The following TMEM74 variants were observed in gnomAD, a reference collection of about 807,000 sequenced individuals.
TMEM74 encodes transmembrane protein 74.
Under a neutral mutation model 18.1 loss-of-function variants are expected in TMEM74, and 13 were observed. The ratio of observed to expected loss-of-function variants is 0.72; its 90% CI spans 0.47 to 1.14. TMEM74 has a LOEUF of 1.14. Ranked by LOEUF, TMEM74 falls within the 50% of genes most tolerant of loss-of-function variation. TMEM74 has a pLI of 0.00. For missense variants in TMEM74, 372 were observed against 375.9 expected, an observed-to-expected ratio of 0.99 and a Z score of 0.09; for synonymous variants, 159 against 146.6, an observed-to-expected ratio of 1.08 and a Z score of -0.61.
chr8:108,611,241 A>T (rs1346262187), intron 2 of TMEM74, among the ~76,000 whole-genome samples: 1 of 152,186 alleles, frequency 6.6e-6, no homozygotes, highest in African/African-American at 2.4e-5. Context: ...GTATATCTGC[A>T]GTAGGTGAAA....
intron 1 of TMEM74, among the ~76,000 whole-genome samples, chr8:108,704,707 G>A (rs1290451044): frequency 6.6e-6 from 1 of 152,200 alleles, no homozygotes; most frequent in Non-Finnish European, 1.5e-5. Context: ...ATGATCAGAG[G>A]CAGCAGCATG....
At chr8:108,647,565 A>G (rs1812732480) in intron 2 of TMEM74, among the ~76,000 whole-genome samples, 1 of 152,280 alleles carries the variant, frequency 6.6e-6, no homozygotes, top group Non-Finnish European at 1.5e-5. Context: ...TAAGTAAAGA[A>G]ATCTATTTTT....
intron 2 of TMEM74, among the ~76,000 whole-genome samples, chr8:108,615,819 C>CTGTTTTTTT (rs1812376886): frequency 2.6e-5 from 2 of 76,420 alleles, no homozygotes; most frequent in African/African-American, 5.4e-5. Context: ...TGCATGGGAG[C>CTGTTTTTTT]TTTTTTTTTT....
intron 2 of TMEM74, among the ~76,000 whole-genome samples, chr8:108,631,693 T>G (rs1350829247): frequency 2.0e-5 from 3 of 152,048 alleles, no homozygotes; most frequent in African/African-American, 7.2e-5. Flanking sequence ...GAATAGTTTC[T>G]TTTGCTGTAC....
At chr8:108,774,470 C>T (rs1814206559), downstream of TMEM74, among the ~76,000 whole-genome samples, 1 of 152,188 alleles carries the variant, frequency 6.6e-6, no homozygotes, top group African/African-American at 2.4e-5. Flanking sequence ...GGATTTATGC[C>T]TTCAGTGTGG....
intron 1 of TMEM74, among the ~76,000 whole-genome samples, chr8:108,751,499 A>G (rs1190673584): frequency 4.6e-5 from 7 of 152,120 alleles, no homozygotes; most frequent in African/African-American, 1.7e-4. Context: ...AGTATACCTC[A>G]AACTGCTAGA....
rs1435010577 is a variant in TMEM74, at chr8:108,781,709, A to G, written c.*2472T>C. Among the ~76,000 whole-genome samples, 3 of 152,228 alleles carry G rather than the reference A, an allele frequency of 2.0e-5. No individual in the cohort carries two copies. Among genetic ancestry groups the G allele is most frequent in the African/African-American group, 4.8e-5 (2 of 41,460 alleles). On this transcript the variant is annotated 3_prime_UTR_variant, in exon 2 of 2. Transcript: ENST00000297459. The stretch of plus-strand genomic sequence containing the variant: ...ACCACATTTCGATTTTAAATTTTAA[A>G]GGAAATTATAGCATTCTAGGGAAAA...
chr8:108,766,294 T>C lies in TMEM74; in HGVS notation n.119+21182A>G, dbSNP rs144197964. Among the ~76,000 whole-genome samples, 422 of 152,168 alleles carry C rather than the reference T, an allele frequency of 2.8e-3. 2 individuals are homozygous for C. Among genetic ancestry groups the C allele is most frequent in the African/African-American group, 9.8e-3 (406 of 41,500 alleles). On this transcript the variant is annotated intron_variant and non_coding_transcript_variant, in intron 1 of 3. Transcript: ENST00000518838. ...AAAAGAGAGCTGAAGTATTGAGTTA[T>C]TTCATTTGGATCTTATGGGTTCATG...
chr8:108,767,339 T>C (rs1216759526), intron 1 of TMEM74, among the ~76,000 whole-genome samples: 1 of 152,232 alleles, frequency 6.6e-6, no homozygotes, highest in African/African-American at 2.4e-5. Flanking sequence ...CCTCAAAAGA[T>C]TTCTGGCCCC....
intron 1 of TMEM74, among the ~76,000 whole-genome samples, chr8:108,786,136 G>A (rs982310320): frequency 8.5e-5 from 13 of 152,280 alleles, no homozygotes; most frequent in African/African-American, 2.9e-4. Flanking sequence ...TAAACCCACA[G>A]AGTAAGAGTT....
At chr8:108,697,686 G>A (rs772219482) in intron 1 of TMEM74, among the ~76,000 whole-genome samples, 14 of 152,202 alleles carry the variant, frequency 9.2e-5, no homozygotes, top group South Asian at 2.1e-4. Context: ...TTGCAGACAT[G>A]AGCCACCATC....
chr8:108,662,598 G>A (rs932848105), intron 1 of TMEM74, among the ~76,000 whole-genome samples: 1 of 152,118 alleles, frequency 6.6e-6, no homozygotes, highest in Non-Finnish European at 1.5e-5. Flanking sequence ...TGGTCAGCCT[G>A]GCTCCATAGA....
chr8:108,700,772 A>T (rs1255256179), intron 1 of TMEM74, among the ~76,000 whole-genome samples: 1 of 152,212 alleles, frequency 6.6e-6, no homozygotes, highest in Non-Finnish European at 1.5e-5. Context: ...GAAGTGAGTG[A>T]CTGTGCTCAG....
chr8:108,741,106 TA>T (rs1813795932), intron 1 of TMEM74, among the ~76,000 whole-genome samples: 1 of 152,242 alleles, frequency 6.6e-6, no homozygotes, highest in Non-Finnish European at 1.5e-5. Context: ...TACTGTCTGA[TA>T]TTTTTATAAT....
chr8:108,782,330 T>C lies in TMEM74; in HGVS notation c.*1851A>G, dbSNP rs1164188536. On this transcript the variant is annotated 3_prime_UTR_variant, in exon 2 of 2. Coordinates refer to ENST00000297459, the MANE Select transcript of TMEM74 (RefSeq NM_153015.3). ...ACAGCAACAGAAAGCAAAAATCATGTTTATGTCATCTCAATTCTTTCTTTT... is the reference window on the plus strand; with the variant it reads ...ACAGCAACAGAAAGCAAAAATCATGCTTATGTCATCTCAATTCTTTCTTTT... 6.6e-6 allele frequency among the ~76,000 whole-genome samples: 1 copy of C among 152,208 alleles called. No homozygotes were observed. Among genetic ancestry groups the C allele is most frequent in the African/African-American group, 2.4e-5 (1 of 41,458 alleles).
chr8:108,743,978 G>T (rs926652870), intron 1 of TMEM74, among the ~76,000 whole-genome samples: 4 of 152,100 alleles, frequency 2.6e-5, no homozygotes, highest in Admixed American at 6.6e-5. Flanking sequence ...GGCAACCAAG[G>T]TACTCAATCC....
intron 1 of TMEM74, among the ~76,000 whole-genome samples, chr8:108,718,475 G>C (rs893232231): frequency 6.6e-6 from 1 of 152,216 alleles, no homozygotes; most frequent in Non-Finnish European, 1.5e-5. Flanking sequence ...CACAACAGCA[G>C]AAAGCCAGCA....
intron 1 of TMEM74, 110 bp from the exon 2 acceptor site, chr8:108,785,247 C>G: frequency 1.3e-6 from 1 of 751,612 alleles, no homozygotes; most frequent in East Asian, 2.8e-5. Context: ...CTGTTTAGCC[C>G]CTTTTCCACC....
chr8:108,716,915 T>C (rs1813528639), intron 1 of TMEM74, among the ~76,000 whole-genome samples: 1 of 151,966 alleles, frequency 6.6e-6, no homozygotes, highest in Admixed American at 6.5e-5. Flanking sequence ...ATATTATACA[T>C]ATTTCTACCT....
Sources: gnomAD v4.1 joint callset for allele counts (sites outside exome capture counted in the v4.1 genomes callset) on GRCh38, gnomAD v4.1.1 for gene constraint, MANE v1.5 for transcripts, NCBI Gene and HGNC (gene_info 2026-07-23, HGNC 2026-07-21) for gene names.